NAMPT: variants seen among roughly 807,000 people sequenced by gnomAD.
NAMPT encodes nicotinamide phosphoribosyltransferase, also known as NAmPRTase.
In NAMPT, 7 loss-of-function variants were observed where a neutral mutation model predicts 58.7. That is an observed-to-expected ratio of 0.12 (90% CI 0.07 to 0.22). The LOEUF (loss-of-function observed/expected upper bound fraction) is 0.22. Ranked by LOEUF, NAMPT falls within the 10% of genes least tolerant of loss-of-function variation. NAMPT has a pLI of 1.00. For missense variants in NAMPT, 271 were observed against 567.9 expected (o/e 0.48, Z 5.31); for synonymous variants, 145 against 198.1 (o/e 0.73, Z 2.25).
At chr7:106,282,493 G>T (rs1040348757) in intron 1 of NAMPT, among the ~76,000 whole-genome samples, 3 of 152,130 alleles carry the variant, frequency 2.0e-5, no homozygotes, top group Admixed American at 1.3e-4. Context: ...CGGTTTAAAC[G>T]GTGTCCTTAC....
At chr7:106,269,368 G>T in intron 4 of NAMPT, 56 bp from the exon 5 acceptor site, 1 of 1,470,402 alleles carries the variant, frequency 6.8e-7, no homozygotes, top group Non-Finnish European at 9.2e-7. Flanking sequence ...CATTCTTTCT[G>T]AGGAAAATCC....
intron 1 of NAMPT, among the ~76,000 whole-genome samples, chr7:106,280,030 C>T (rs1370090040): frequency 6.6e-6 from 1 of 152,012 alleles, no homozygotes; most frequent in African/African-American, 2.4e-5. Context: ...TACAGACTAC[C>T]CCAAGGAGCC....
intron 6 of NAMPT, among the ~76,000 whole-genome samples, chr7:106,265,123 A>G (rs1276253687): frequency 1.3e-5 from 2 of 152,150 alleles, no homozygotes; most frequent in Non-Finnish European, 2.9e-5. Context: ...GAAAATTAAG[A>G]TATGACTGAA....
intron 1 of NAMPT, among the ~76,000 whole-genome samples, chr7:106,277,743 C>T (rs1792679424): frequency 6.6e-6 from 1 of 152,088 alleles, no homozygotes; most frequent in African/African-American, 2.4e-5. Context: ...TTGTAATCTC[C>T]CTTTGTCAAA....
Position 106,284,911 on chromosome 7 carries a change from G to A in NAMPT, c.-27C>T, listed in dbSNP as rs1004429698. On this transcript the variant is annotated 5_prime_UTR_variant, in exon 1 of 11. Transcript: ENST00000222553. ...TCGGGCCGGAGGACAGGGGCCGCGC[G>A]CCGCGAGCTCCCTGGCGCGGCTGCG... is the stretch of plus-strand genomic sequence containing the variant. The A allele has an allele frequency of 3.2e-6, 5 of 1,573,234 alleles. No individual in the cohort carries two copies. In the Admixed American group the frequency reaches 5.5e-5, roughly 17 times the overall value.
intron 6 of NAMPT, 166 bp downstream of exon 6, chr7:106,268,294 CCTCT>C (rs1449499332): frequency 9.3e-6 from 5 of 539,272 alleles, no homozygotes; most frequent in East Asian, 3.0e-5. Context: ...AATTTCTCTG[CCTCT>C]CTAAGACTAA....
At chr7:106,262,146 C>T (rs974545465) in intron 7 of NAMPT, among the ~76,000 whole-genome samples, 1 of 151,984 alleles carries the variant, frequency 6.6e-6, no homozygotes, top group Admixed American at 6.6e-5. Flanking sequence ...AATATGAATC[C>T]AGTTCAATCA....
intron 8 of NAMPT, among the ~76,000 whole-genome samples, chr7:106,255,857 T>C (rs746573519): frequency 2.0e-5 from 3 of 152,024 alleles, no homozygotes; most frequent in Non-Finnish European, 2.9e-5. Flanking sequence ...GGGAAACAGG[T>C]AGATGGAGGG....
chr7:106,261,079 A>C (rs983630230), intron 8 of NAMPT, among the ~76,000 whole-genome samples: 5 of 152,200 alleles, frequency 3.3e-5, no homozygotes, highest in African/African-American at 1.2e-4. Context: ...AAAAAAATGC[A>C]ATGTTTGCAA....
intron 5 of NAMPT, among the ~76,000 whole-genome samples, chr7:106,268,858 CT>C (rs1792477504): frequency 6.6e-6 from 1 of 152,186 alleles, no homozygotes; most frequent in African/African-American, 2.4e-5. Context: ...TCATCACTCT[CT>C]CTTCCCTTAC....
At chr7:106,275,112 TCA>T (rs1792607183) in intron 2 of NAMPT, 63 bp from the exon 3 acceptor site, 4 of 1,013,396 alleles carry the variant, frequency 3.9e-6, no homozygotes, top group Non-Finnish European at 6.1e-6. Flanking sequence ...TGCTGAACTG[TCA>T]CAGACTTAAT....
chr7:106,257,091 C>G (rs1792214523), intron 8 of NAMPT, among the ~76,000 whole-genome samples: 1 of 151,524 alleles, frequency 6.6e-6, no homozygotes, highest in South Asian at 2.1e-4. Flanking sequence ...TTGCAGTGAG[C>G]TGAGATTGTG....
At chr7:106,257,641 C>T (rs191392913) in intron 8 of NAMPT, among the ~76,000 whole-genome samples, 41 of 147,402 alleles carry the variant, frequency 2.8e-4, no homozygotes, top group Admixed American at 2.4e-3. Context: ...AAAAAAAAAT[C>T]GCACATACAT....
At chr7:106,256,053 G>A (rs1361068589) in intron 8 of NAMPT, among the ~76,000 whole-genome samples, 4 of 152,136 alleles carry the variant, frequency 2.6e-5, no homozygotes, top group African/African-American at 9.7e-5. Flanking sequence ...AGTGAATTTT[G>A]AGTCTGGGAA....
chr7:106,273,083 G>A (rs1315441246), intron 3 of NAMPT, among the ~76,000 whole-genome samples: 1 of 152,182 alleles, frequency 6.6e-6, no homozygotes, highest in Non-Finnish European at 1.5e-5. Context: ...CAGATTGAAA[G>A]ATAAAGGATT....
chr7:106,271,471 A>C (rs545059451), intron 4 of NAMPT, among the ~76,000 whole-genome samples: 3 of 152,160 alleles, frequency 2.0e-5, no homozygotes, highest in African/African-American at 4.8e-5. Flanking sequence ...TCTTACTCTA[A>C]CTTCTGTGCC....
rs749155292 is a variant in NAMPT, at chr7:106,249,942, CAT to C, written c.*1139_*1140del. 5.2e-4 allele frequency: 79 copies of C among 152,160 alleles called. No individual in the cohort carries two copies. The highest frequency in any genetic ancestry group is 1.4e-3 in the African/African-American group (59 of 41,542). The allele number at this position is 152,160 out of a possible 1,614,324, so 9.4% of individuals were successfully genotyped here. ...AACTTAAGATTCTTCTATTGAAACACATGTCATGCTTTTCATTGGAGATAATT... is the reference window on the plus strand; with the variant it reads ...AACTTAAGATTCTTCTATTGAAACACGTCATGCTTTTCATTGGAGATAATT... On this transcript the variant is annotated 3_prime_UTR_variant, in exon 11 of 11. Transcript: ENST00000222553.
At chr7:106,270,872 T>C (rs1243100180) in intron 4 of NAMPT, among the ~76,000 whole-genome samples, 2 of 152,172 alleles carry the variant, frequency 1.3e-5, no homozygotes, top group Non-Finnish European at 2.9e-5. Context: ...GGAGAAATAA[T>C]AGTTGCTTTA....
In NAMPT at chr7:106,261,415, C is replaced by T. The variant is rs1024444268; in HGVS notation, c.1089+173G>A. 1.6e-5 allele frequency: 8 copies of T among 515,416 alleles called. No individual in the cohort carries two copies. In the African/African-American group the frequency reaches 1.6e-4, roughly 10 times the overall value. The allele number at this position is 515,416 out of a possible 1,614,324, so 31.9% of individuals were successfully genotyped here. On this transcript the variant is annotated intron_variant, in intron 8 of 10. Coordinates refer to ENST00000222553, the MANE Select transcript of NAMPT (RefSeq NM_005746.3). ...AGAGTAAGTATGGCTTGGCTGGCAC[C>T]TCTGTATTTTAAACTACTATTATTT...
Sources: gnomAD v4.1 joint callset for allele counts (sites outside exome capture counted in the v4.1 genomes callset) on GRCh38, gnomAD v4.1.1 for gene constraint, MANE v1.5 for transcripts, NCBI Gene and HGNC (gene_info 2026-07-23, HGNC 2026-07-21) for gene names.